Variants in SSBP2 observed in about 807,000 individuals in gnomAD.
The protein encoded by SSBP2 is single-stranded DNA-binding protein 2.
SSBP2 carries 17 observed loss-of-function variants against 61.8 expected under a neutral mutation model. The ratio of observed to expected loss-of-function variants is 0.28; its 90% CI spans 0.19 to 0.41. The LOEUF is 0.41. Among genes scored for constraint, SSBP2 ranks in the 10% least tolerant of loss-of-function variants. SSBP2 has a pLI of 1.00. For synonymous variants in SSBP2, 139 were observed against 141.3 expected (o/e 0.98, Z 0.12); for missense variants, 310 against 458.7 (o/e 0.68, Z 2.96).
chr5:81,464,780 C>G lies in SSBP2; in HGVS notation c.638+2194G>C, dbSNP rs180866022. 7.2e-5 allele frequency among the ~76,000 whole-genome samples: 11 copies of G among 152,142 alleles called. No individual in the cohort carries two copies. The East Asian group carries it at 1.9e-3, about 27-fold the overall frequency. The stretch of plus-strand genomic sequence containing the variant: ...AGCGTAAGGTAACACCTTTCTAATG[C>G]CTTTTTCTTCCATTTTTAAGGAATA... On this transcript the variant is annotated intron_variant, in intron 9 of 16. Transcript: ENST00000320672.
chr5:81,558,286 C>T (rs1772763353), intron 4 of SSBP2, among the ~76,000 whole-genome samples: 1 of 152,162 alleles, frequency 6.6e-6, no homozygotes, highest in South Asian at 2.1e-4. Context: ...TTAACAAAAA[C>T]TGGGTGGCTT....
intron 4 of SSBP2, among the ~76,000 whole-genome samples, chr5:81,572,889 T>G (rs1343992063): frequency 6.6e-6 from 1 of 152,164 alleles, no homozygotes; most frequent in African/African-American, 2.4e-5. Flanking sequence ...CAGCTCAAGT[T>G]TGCATCTAAT....
intron 8 of SSBP2, among the ~76,000 whole-genome samples, chr5:81,472,746 C>T (rs547306904): frequency 6.6e-6 from 1 of 152,186 alleles, no homozygotes; most frequent in African/African-American, 2.4e-5. Flanking sequence ...ATTACAGGCA[C>T]CTGCCACCTC....
chr5:81,730,313 C>T (rs886118530), intron 1 of SSBP2, among the ~76,000 whole-genome samples: 32 of 152,200 alleles, frequency 2.1e-4, no homozygotes, highest in African/African-American at 7.0e-4. Flanking sequence ...CAACCTCCAC[C>T]TCCTGGGTTC....
intron 4 of SSBP2, among the ~76,000 whole-genome samples, chr5:81,574,030 A>G (rs2153453294): frequency 6.6e-6 from 1 of 152,060 alleles, no homozygotes; most frequent in East Asian, 1.9e-4. Context: ...AGTCCCAGCT[A>G]CTCGGGAGGC....
chr5:81,733,705 G>C (rs1156806879), intron 1 of SSBP2, among the ~76,000 whole-genome samples: 1 of 151,906 alleles, frequency 6.6e-6, no homozygotes, highest in Non-Finnish European at 1.5e-5. Flanking sequence ...AACTCACCTT[G>C]ATCTGACCAA....
At chr5:81,625,290 T>G (rs1198495455) in intron 3 of SSBP2, among the ~76,000 whole-genome samples, 1 of 152,146 alleles carries the variant, frequency 6.6e-6, no homozygotes, top group African/African-American at 2.4e-5. Flanking sequence ...TCCACTGTAC[T>G]TGTTCCTTTA....
intron 4 of SSBP2, among the ~76,000 whole-genome samples, chr5:81,551,150 ATAAC>A (rs1200397602): frequency 2.7e-5 from 4 of 150,664 alleles, no homozygotes; most frequent in African/African-American, 9.8e-5. Context: ...TGTTATTATT[ATAAC>A]TAACTAGGAA....
intron 6 of SSBP2, among the ~76,000 whole-genome samples, chr5:81,485,916 G>C (rs1311615966): frequency 6.6e-6 from 1 of 152,142 alleles, no homozygotes; most frequent in Non-Finnish European, 1.5e-5. Context: ...GTTTATGCTT[G>C]AAAAGTTCAT....
intron 11 of SSBP2, among the ~76,000 whole-genome samples, chr5:81,448,409 G>A (rs1763544062): frequency 6.6e-6 from 1 of 152,180 alleles, no homozygotes; most frequent in South Asian, 2.1e-4. Flanking sequence ...TTGGGAGAAA[G>A]TTTAATGTCT....
chr5:81,602,469 T>C (rs1291262147), intron 4 of SSBP2, among the ~76,000 whole-genome samples: 2 of 152,148 alleles, frequency 1.3e-5, no homozygotes. Context: ...AGAGAGGAAC[T>C]AGGAGGCATG....
chr5:81,716,950 C>T (rs1359769463), intron 1 of SSBP2, among the ~76,000 whole-genome samples: 2 of 152,122 alleles, frequency 1.3e-5, no homozygotes, highest in African/African-American at 4.8e-5. Flanking sequence ...AAATACATGG[C>T]CTGAACTTCA....
At chr5:81,709,009 A>C (rs893513061) in intron 1 of SSBP2, among the ~76,000 whole-genome samples, 9 of 152,040 alleles carry the variant, frequency 5.9e-5, no homozygotes, top group African/African-American at 1.9e-4. Context: ...GTTCACTGAA[A>C]GTAGTTTGAT....
intron 4 of SSBP2, among the ~76,000 whole-genome samples, chr5:81,605,990 A>G (rs1049001206): frequency 2.0e-5 from 3 of 152,186 alleles, no homozygotes; most frequent in Admixed American, 6.5e-5. Flanking sequence ...AGACCCAAAC[A>G]GGTTGGTCCC....
intron 2 of SSBP2, among the ~76,000 whole-genome samples, chr5:81,638,813 T>C (rs2153681742): frequency 6.6e-6 from 1 of 152,330 alleles, no homozygotes; most frequent in African/African-American, 2.4e-5. Flanking sequence ...GCAACAATTG[T>C]CTATGCTCCT....
At chr5:81,473,370 A>G (rs931611377) in intron 8 of SSBP2, among the ~76,000 whole-genome samples, 3 of 152,082 alleles carry the variant, frequency 2.0e-5, no homozygotes, top group Non-Finnish European at 4.4e-5. Context: ...TAAGCCCCAC[A>G]TGCATTAGCG....
chr5:81,699,091 G>A (rs1370547283), intron 1 of SSBP2, among the ~76,000 whole-genome samples: 5 of 152,180 alleles, frequency 3.3e-5, no homozygotes, highest in East Asian at 3.9e-4. Context: ...ATAGCATTAT[G>A]TCTAAAAAAT....
intron 6 of SSBP2, among the ~76,000 whole-genome samples, chr5:81,486,186 A>G (rs1396978419): frequency 6.6e-6 from 1 of 152,156 alleles, no homozygotes; most frequent in Admixed American, 6.6e-5. Flanking sequence ...GAGGAAAGAG[A>G]GCCTATATAA....
intron 4 of SSBP2, among the ~76,000 whole-genome samples, chr5:81,601,242 C>T (rs535099108): frequency 2.0e-4 from 30 of 152,002 alleles, no homozygotes; most frequent in Non-Finnish European, 3.2e-4. Context: ...ATTTTTTCTA[C>T]GTGTATCTAC....
Sources: allele counts gnomAD v4.1 joint callset (sites outside exome capture counted in the v4.1 genomes callset), GRCh38; gene constraint gnomAD v4.1.1; transcripts MANE v1.5; gene names NCBI Gene and HGNC (gene_info 2026-07-23, HGNC 2026-07-21).